The following SLC12A1 variants were observed in gnomAD, a reference collection of about 807,000 sequenced individuals.
SLC12A1 encodes the protein Na-K-2Cl cotransporter.
SLC12A1 carries 89 observed loss-of-function variants against 130.4 expected under a neutral mutation model. The observed-to-expected ratio is 0.68, with a 90% confidence interval of 0.58 to 0.81. The LOEUF is 0.81. Among genes scored for constraint, SLC12A1 ranks in the 40% least tolerant of loss-of-function variants. SLC12A1 has a pLI of 0.00. For synonymous variants in SLC12A1, 499 were observed against 460.0 expected (o/e 1.08, Z -1.09); for missense variants, 1,310 against 1,336.4 (o/e 0.98, Z 0.31).
Position 48,269,763 on chromosome 15 carries a change from C to T in SLC12A1, c.2401C>T (p.His801Tyr), listed in dbSNP as rs754368249. Residue 801 changes from histidine (H) to tyrosine (Y), a missense_variant and splice_region_variant, in exon 19 of 27, where the codon CAT becomes TAT. Physicochemically the swap from His to Tyr is moderately conservative, Grantham distance 83. Transcript: ENST00000380993. ...GATTGAGAACTACGTGGGAATCATACAGTAAGTGATGGCTTTCAAGACGTG... is the reference window on the plus strand; with the variant it reads ...GATTGAGAACTACGTGGGAATCATATAGTAAGTGATGGCTTTCAAGACGTG... ...TEIENYVGIIHDAFDFEIGVV... is the reference protein window; with the variant it reads ...TEIENYVGIIYDAFDFEIGVV... 3 of 1,549,826 alleles carry T rather than the reference C, an allele frequency of 1.9e-6. No homozygotes were observed. The Admixed American group carries it at 5.0e-5, about 26-fold the overall frequency.
intron 8 of SLC12A1, among the ~76,000 whole-genome samples, chr15:48,233,987 C>T (rs1300976974): frequency 6.6e-6 from 1 of 152,022 alleles, no homozygotes; most frequent in Non-Finnish European, 1.5e-5. Flanking sequence ...ATTAACAAAA[C>T]TTCTCATCAT....
At chr15:48,270,790 A>T (rs1264449172) in intron 19 of SLC12A1, among the ~76,000 whole-genome samples, 1 of 93,642 alleles carries the variant, frequency 1.1e-5, no homozygotes, top group African/African-American at 5.2e-5. Flanking sequence ...ATATATACAC[A>T]CACACACACA....
At chr15:48,248,577 G>C (rs1428392284) in intron 13 of SLC12A1, among the ~76,000 whole-genome samples, 1 of 152,206 alleles carries the variant, frequency 6.6e-6, no homozygotes, top group African/African-American at 2.4e-5. Flanking sequence ...ATCACACCCA[G>C]CTGCCTGCAT....
rs557632707 is a variant in SLC12A1, at chr15:48,301,503, G to A, written c.3164+121G>A. The A allele has an allele frequency of 1.8e-5, 8 of 442,810 alleles. No homozygotes were observed. In the African/African-American group the frequency reaches 2.6e-4, roughly 14 times the overall value. 27.4% of individuals were successfully genotyped at this position (442,810 alleles called of 1,614,324 possible). ...TTTGTTTTGTTTTTGTGTTTTTTTT[G>A]GGGGGGGGAACACGTGGGATTCTTA... is the stretch of plus-strand genomic sequence containing the variant. On this transcript the variant is annotated intron_variant, in intron 26 of 26. Transcript: ENST00000380993.
chr15:48,249,230 CAT>C (rs1250003423), intron 13 of SLC12A1, among the ~76,000 whole-genome samples: 2 of 152,024 alleles, frequency 1.3e-5, no homozygotes, highest in African/African-American at 4.8e-5. Flanking sequence ...CTACTTATTG[CAT>C]ACATAACAGT....
intron 5 of SLC12A1, chr15:48,228,718 C>CTA (rs1412272470): frequency 1.7e-5 from 3 of 173,168 alleles, no homozygotes; most frequent in African/African-American, 7.2e-5. Flanking sequence ...GTACATATAT[C>CTA]TATATATGTG....
At chr15:48,274,756 T>G (rs2041933233) in intron 20 of SLC12A1, 103 bp downstream of exon 20, 1 of 692,546 alleles carries the variant, frequency 1.4e-6, no homozygotes, top group African/African-American at 1.8e-5. Context: ...CAAAACTCCT[T>G]GACAGTGGAG....
At chr15:48,275,679 A>G (rs2041944588) in intron 20 of SLC12A1, among the ~76,000 whole-genome samples, 1 of 152,146 alleles carries the variant, frequency 6.6e-6, no homozygotes, top group Admixed American at 6.6e-5. Flanking sequence ...GGACATGAGA[A>G]TAGAGAGGAA....
At chr15:48,218,066 T>C (rs2041147967) in intron 2 of SLC12A1, 1 of 152,496 alleles carries the variant, frequency 6.6e-6, no homozygotes, top group Non-Finnish European at 1.5e-5. Context: ...TGCCTCAGCC[T>C]TCCAAAGTAC....
intron 2 of SLC12A1, among the ~76,000 whole-genome samples, chr15:48,215,907 T>C (rs1018806898): frequency 9.2e-5 from 14 of 152,176 alleles, no homozygotes; most frequent in Admixed American, 3.3e-4. Context: ...CCTGAATGAA[T>C]TGCACAACCA....
At chr15:48,236,092 AACACACACACACACACAC>A (rs56371843) in intron 9 of SLC12A1, among the ~76,000 whole-genome samples, 20 of 145,798 alleles carry the variant, frequency 1.4e-4, no homozygotes, top group African/African-American at 2.5e-4. Context: ...AGCCATTTCT[AACACACACACACACACAC>A]ACACACACAC....
At chr15:48,235,314 C>G in intron 9 of SLC12A1, 1 of 338,512 alleles carries the variant, frequency 3.0e-6, no homozygotes, top group East Asian at 5.9e-5. Flanking sequence ...TCTTTTAAAC[C>G]CAAATGAATA....
At position 48,249,588 on chromosome 15, in the gene SLC12A1, C is replaced by T; in HGVS notation, c.1698C>T (p.Thr566=). The stretch of plus-strand genomic sequence containing the variant: ...TTACTTTTACAGCGGAACTGAACAC[C>T]ATTGCTCCCATCATCTCCAACTTTT... ...MAFILIAELN[T]IAPIISNFFL... Residue 566 remains threonine, a synonymous_variant, in exon 14 of 27, where the codon ACC becomes ACT. Transcript: ENST00000380993. 6.2e-7 allele frequency: 1 copy of T among 1,613,630 alleles called. No individual in the cohort carries two copies. The highest frequency in any genetic ancestry group is 8.5e-7 in the Non-Finnish European group (1 of 1,179,586).
At chr15:48,230,020 G>A (rs16960690) in intron 6 of SLC12A1, among the ~76,000 whole-genome samples, 4,199 of 152,170 alleles carry the variant, frequency 0.028, 198 homozygotes, top group African/African-American at 0.097. Flanking sequence ...TTAACTTTCA[G>A]GATTTACATT....
chr15:48,215,567 T>C (rs943022484), intron 2 of SLC12A1, among the ~76,000 whole-genome samples: 1 of 152,150 alleles, frequency 6.6e-6, no homozygotes, highest in African/African-American at 2.4e-5. Context: ...CTTTGAGACT[T>C]TGGCCTCAAG....
intron 26 of SLC12A1, among the ~76,000 whole-genome samples, chr15:48,301,652 G>T (rs1366248390): frequency 6.6e-6 from 1 of 151,942 alleles, no homozygotes; most frequent in Non-Finnish European, 1.5e-5. Flanking sequence ...CATCTAGTAA[G>T]ACCATGCTCC....
chr15:48,245,579 G>A (rs539668377), intron 11 of SLC12A1, among the ~76,000 whole-genome samples: 17 of 152,248 alleles, frequency 1.1e-4, no homozygotes, highest in African/African-American at 3.9e-4. Context: ...CTGCATCCAC[G>A]TTGCTGCAAA....
In SLC12A1 at chr15:48,274,621, G is replaced by A. The variant is rs751250413; in HGVS notation, c.2453G>A (p.Gly818Glu). The change falls in exon 20 of 27, where the codon GGA becomes GAA. Residue 818 changes from glycine (G) to glutamate (E), a missense_variant. Coordinates refer to ENST00000380993, the MANE Select transcript of SLC12A1 (RefSeq NM_000338.3). ...GTGGTTATAGTCAGAATCAGCCAAG[G>A]ATTTGACATCTCTCAGGTTCTTCAG... ...IGVVIVRISQ[G>E]FDISQVLQVQ... is the part of the protein sequence containing the mutation. 6.2e-7 allele frequency: 1 copy of A among 1,613,116 alleles called. No individual in the cohort carries two copies. The highest frequency in any genetic ancestry group is 8.5e-7 in the Non-Finnish European group (1 of 1,179,394).
At chr15:48,301,502 T>TTGGGGG in intron 26 of SLC12A1, 120 bp downstream of exon 26, 1 of 429,446 alleles carries the variant, frequency 2.3e-6, no homozygotes, top group Non-Finnish European at 3.7e-6. Flanking sequence ...GTGTTTTTTT[T>TTGGGGG]GGGGGGGGGA....
Sources: gnomAD v4.1 joint callset for allele counts (sites outside exome capture counted in the v4.1 genomes callset) on GRCh38, gnomAD v4.1.1 for gene constraint, MANE v1.5 for transcripts, NCBI Gene and HGNC (gene_info 2026-07-23, HGNC 2026-07-21) for gene names.